The following ANK2 variants were observed in gnomAD, a reference collection of about 807,000 sequenced individuals.
ANK2 encodes the protein ankyrin-2.
In ANK2, 83 loss-of-function variants were observed where a neutral mutation model predicts 360.5. The observed-to-expected ratio is 0.23, with a 90% CI of 0.19 to 0.28. The LOEUF (loss-of-function observed/expected upper bound fraction) is 0.28. Among genes scored for constraint, ANK2 ranks in the 10% least tolerant of loss-of-function variants. The pLI is 1.00. For missense variants in ANK2, 4,201 were observed against 4,795.7 expected (o/e 0.88, Z 3.66); for synonymous variants, 1,740 against 1,759.5 (o/e 0.99, Z 0.28).
At chr4:112,846,373 A>G (rs992700837) in intron 1 of ANK2, among the ~76,000 whole-genome samples, 3 of 152,112 alleles carry the variant, frequency 2.0e-5, no homozygotes, top group Non-Finnish European at 4.4e-5. Context: ...AGCCTCCCAA[A>G]GTGCTAGCTA....
At chr4:113,231,049 TTTTTTTTTTTC>T (rs1449144482) in intron 4 of ANK2, among the ~76,000 whole-genome samples, 1 of 151,812 alleles carries the variant, frequency 6.6e-6, no homozygotes, top group East Asian at 1.9e-4. Context: ...CATTTTCTTT[TTTTTTTTTTTC>T]TTTTTTTTTG....
At chr4:113,264,758 G>C in intron 13 of ANK2, 139 bp from the exon 14 acceptor site, 1 of 788,642 alleles carries the variant, frequency 1.3e-6, no homozygotes, top group Non-Finnish European at 2.1e-6. Flanking sequence ...ATATTTTCCA[G>C]ACTAAATAAT....
chr4:113,233,106 GTTTTTTTTTTTTTTTTTTTTTTTTTT>G (rs1156385030), intron 5 of ANK2, among the ~76,000 whole-genome samples: 19 of 79,708 alleles, frequency 2.4e-4, no homozygotes, highest in Admixed American at 3.4e-4. Flanking sequence ...TGGCTTTTCT[GTTTTTTTTTTTTTTTTTTTTTTTTTT>G]TTTTTTTTTT....
chr4:113,092,712 T>C (rs1404332660), intron 1 of ANK2, among the ~76,000 whole-genome samples: 1 of 152,202 alleles, frequency 6.6e-6, no homozygotes, highest in Non-Finnish European at 1.5e-5. Context: ...TAATAATACC[T>C]ACCTCCTATT....
chr4:112,900,890 G>C (rs553086076), intron 1 of ANK2, among the ~76,000 whole-genome samples: 1 of 152,148 alleles, frequency 6.6e-6, no homozygotes, highest in Non-Finnish European at 1.5e-5. Flanking sequence ...GGAAAACCTA[G>C]ATTTGGTTTT....
chr4:112,994,405 A>C (rs919370707), intron 2 of ANK2, among the ~76,000 whole-genome samples: 4 of 152,242 alleles, frequency 2.6e-5, no homozygotes, highest in Non-Finnish European at 4.4e-5. Flanking sequence ...CAAAAAGAAA[A>C]GTAATGTGAT....
At chr4:112,818,965 T>C (rs906886174) in intron 1 of ANK2, among the ~76,000 whole-genome samples, 1 of 152,216 alleles carries the variant, frequency 6.6e-6, no homozygotes, top group Admixed American at 6.5e-5. Context: ...CAGATACAGA[T>C]TTCTGAGCAG....
At chr4:113,341,472 T>A (rs1331003130) in intron 32 of ANK2, among the ~76,000 whole-genome samples, 2 of 152,206 alleles carry the variant, frequency 1.3e-5, no homozygotes, top group Admixed American at 1.3e-4. Context: ...CTCTCTTCTC[T>A]TCACTCCCTT....
chr4:112,762,536 G>C, the ANK2 span, among the ~76,000 whole-genome samples: 1 of 152,192 alleles, frequency 6.6e-6, no homozygotes, highest in Non-Finnish European at 1.5e-5. Context: ...ATTTTAGACA[G>C]AGTCTCACTG....
At chr4:113,329,255 C>T (rs77823176) in intron 26 of ANK2, among the ~76,000 whole-genome samples, 2 of 152,212 alleles carry the variant, frequency 1.3e-5, no homozygotes, top group South Asian at 4.1e-4. Context: ...GACAAGCATT[C>T]AAATTAACCT....
chr4:112,918,243 A>G (rs2090474419), intron 2 of ANK2, among the ~76,000 whole-genome samples: 1 of 152,166 alleles, frequency 6.6e-6, no homozygotes, highest in Admixed American at 6.5e-5. Context: ...TCAGTGGACT[A>G]GCGTGCTCCT....
chr4:113,331,553 G>A (rs565508139), intron 27 of ANK2, among the ~76,000 whole-genome samples: 35 of 152,274 alleles, frequency 2.3e-4, no homozygotes, highest in African/African-American at 7.5e-4. Context: ...TTCATATTCT[G>A]TGTCAGACCC....
intron 2 of ANK2, among the ~76,000 whole-genome samples, chr4:112,958,191 G>T (rs1192943123): frequency 1.3e-5 from 2 of 151,802 alleles, no homozygotes; most frequent in African/African-American, 4.8e-5. Flanking sequence ...CCCAGACGGG[G>T]TGGCGGCCGG....
At chr4:113,047,292 C>CT (rs147224690), upstream of ANK2, among the ~76,000 whole-genome samples, 10 of 152,254 alleles carry the variant, frequency 6.6e-5, no homozygotes, top group African/African-American at 2.4e-4. Context: ...CCTTATTCTA[C>CT]TTTTTTTCCC....
chr4:112,955,511 C>T (rs1186378663), intron 2 of ANK2, among the ~76,000 whole-genome samples: 1 of 151,388 alleles, frequency 6.6e-6, no homozygotes, highest in African/African-American at 2.4e-5. Flanking sequence ...TCTTTTAAAC[C>T]ATAAAACATT....
Position 113,287,983 on chromosome 4 carries a change from A to G in ANK2, c.2178+280A>G, listed in dbSNP as rs553970563. Reference sequence around the variant, plus strand: ...TCTCTTACTGCTTTAGCTAGTTCACATGACTTGCTGCGTTCCTCTTCTATT... The same window carrying G: ...TCTCTTACTGCTTTAGCTAGTTCACGTGACTTGCTGCGTTCCTCTTCTATT... On this transcript the variant is annotated intron_variant, in intron 19 of 45. Coordinates refer to ENST00000357077, the MANE Select transcript of ANK2 (RefSeq NM_001148.6). Among the ~76,000 whole-genome samples the G allele has an allele frequency of 2.8e-4, 43 of 152,246 alleles. No individual in the cohort carries two copies. The East Asian group carries it at 7.0e-3, about 25-fold the overall frequency.
At chr4:112,787,419 G>C in the ANK2 span, among the ~76,000 whole-genome samples, 1 of 152,162 alleles carries the variant, frequency 6.6e-6, no homozygotes, top group African/African-American at 2.4e-5. Flanking sequence ...GATTCACTCA[G>C]ATAATTTTAA....
At chr4:112,937,752 A>C (rs2093876033) in intron 2 of ANK2, among the ~76,000 whole-genome samples, 2 of 152,176 alleles carry the variant, frequency 1.3e-5, no homozygotes, top group Non-Finnish European at 2.9e-5. Context: ...GCCTACCCTG[A>C]AGGTCTATTG....
At chr4:112,942,472 G>A (rs1581603328) in intron 2 of ANK2, among the ~76,000 whole-genome samples, 1 of 152,056 alleles carries the variant, frequency 6.6e-6, no homozygotes, top group African/African-American at 2.4e-5. Flanking sequence ...TTTTGTAGAT[G>A]AGAAAACTGG....
Sources: gnomAD v4.1 joint callset for allele counts (sites outside exome capture counted in the v4.1 genomes callset) on GRCh38, gnomAD v4.1.1 for gene constraint, MANE v1.5 for transcripts, NCBI Gene and HGNC (gene_info 2026-07-23, HGNC 2026-07-21) for gene names.